Variants in TRPV5 observed in about 807,000 individuals in gnomAD.
TRPV5 encodes calcium transport protein 2.
A neutral mutation model predicts 74.1 loss-of-function variants in TRPV5; 66 were observed. That is an observed-to-expected ratio of 0.89 (90% CI 0.73 to 1.09). The LOEUF is 1.09. TRPV5 is among the 50% of genes least tolerant of loss of function. TRPV5 has a pLI of 0.00. For missense variants in TRPV5, 936 were observed against 930.4 expected, an observed-to-expected ratio of 1.01 and a Z score of -0.08; for synonymous variants, 399 against 360.7, an observed-to-expected ratio of 1.11 and a Z score of -1.20.
At position 142,927,518 on chromosome 7, in the gene TRPV5, C is replaced by T. The variant is rs527603202; in HGVS notation, c.909+570G>A. On this transcript the variant is annotated intron_variant, in intron 7 of 14. Coordinates refer to ENST00000265310, the MANE Select transcript of TRPV5 (RefSeq NM_019841.7). ...GCAGGCTGTACAGGTTCTGGAGAGGCCTGAGGAAACGTACAATCATGGCAA... is the reference window on the plus strand; with the variant it reads ...GCAGGCTGTACAGGTTCTGGAGAGGTCTGAGGAAACGTACAATCATGGCAA... 7.2e-5 allele frequency among the ~76,000 whole-genome samples: 11 copies of T among 152,200 alleles called. No homozygotes were observed. The East Asian group carries it at 2.1e-3, about 29-fold the overall frequency.
rs774047899 is a variant in TRPV5 at position 142,915,027 on chromosome 7, C to T, written c.1306G>A (p.Val436Met). The change falls in exon 11 of 15, where the codon GTG (valine) becomes ATG (methionine). Residue 436 changes from valine to methionine, a missense_variant. Val to Met is a conservative substitution (Grantham distance 21). Transcript: ENST00000265310. ...HVIIITYASL[V>M]LVTMVMRLTN... Reference sequence around the variant, plus strand: ...AGCCGCATCACCATGGTCACCAGCACCAGGGAGGCATAGGTGATGCTGGGG... The same window carrying T: ...AGCCGCATCACCATGGTCACCAGCATCAGGGAGGCATAGGTGATGCTGGGG... 7 of 1,613,990 alleles carry T rather than the reference C, an allele frequency of 4.3e-6. No homozygotes were observed. The highest frequency in any genetic ancestry group is 2.2e-5 in the East Asian group (1 of 44,874).
intron 10 of TRPV5, 110 bp downstream of exon 10, chr7:142,915,197 G>A (rs1344834313): frequency 3.0e-5 from 46 of 1,519,524 alleles, no homozygotes; most frequent in Non-Finnish European, 4.0e-5. Flanking sequence ...CCACTGGAGA[G>A]AAGTCCTTGG....
At chr7:142,931,430 A>C (rs1292139864) in intron 1 of TRPV5, among the ~76,000 whole-genome samples, 2 of 152,174 alleles carry the variant, frequency 1.3e-5, no homozygotes, top group Non-Finnish European at 2.9e-5. Context: ...CAGCTTGTTT[A>C]TGTGGGTGTC....
intron 8 of TRPV5, among the ~76,000 whole-genome samples, chr7:142,924,241 T>C (rs6952972): frequency 1.6e-4 from 22 of 137,742 alleles, no homozygotes; most frequent in African/African-American, 6.0e-4. Context: ...TATATATATA[T>C]ATACATATAC....
At chr7:142,917,726 A>G (rs1472894042) in intron 8 of TRPV5, among the ~76,000 whole-genome samples, 3 of 152,188 alleles carry the variant, frequency 2.0e-5, no homozygotes, top group Non-Finnish European at 4.4e-5. Flanking sequence ...ACTGACCTAG[A>G]GTAGCTGCCT....
chr7:142,931,329 A>C (rs528331521), intron 1 of TRPV5, among the ~76,000 whole-genome samples: 1 of 152,066 alleles, frequency 6.6e-6, no homozygotes, highest in South Asian at 2.1e-4. Flanking sequence ...GGTTATTTAG[A>C]TACAGGTCCC....
intron 1 of TRPV5, among the ~76,000 whole-genome samples, chr7:142,931,869 T>TA (rs1796102512): frequency 6.6e-6 from 1 of 151,984 alleles, no homozygotes; most frequent in African/African-American, 2.4e-5. Context: ...GCCTGACTAG[T>TA]TTTTTTATTT....
Position 142,933,152 on chromosome 7 carries a change from C to T in TRPV5, c.128+180G>A, listed in dbSNP as rs4252377. ...TGTGGCCCAAAGCCACATCCTCCAC[C>T]GCCACTAAAAGGGGCCAGCTGGGAT... On this transcript the variant is annotated intron_variant, in intron 1 of 14. Coordinates refer to ENST00000265310, the MANE Select transcript of TRPV5 (RefSeq NM_019841.7). Among the ~76,000 whole-genome samples the T allele has an allele frequency of 7.1e-3, 1,076 of 152,274 alleles. 14 individuals are homozygous for T. Among genetic ancestry groups the T allele is most frequent in the African/African-American group, 0.025 (1,027 of 41,544 alleles).
At chr7:142,914,470 A>T (rs1795756890) in intron 12 of TRPV5, among the ~76,000 whole-genome samples, 170 bp downstream of exon 12, 1 of 152,186 alleles carries the variant, frequency 6.6e-6, no homozygotes, top group South Asian at 2.1e-4. Flanking sequence ...GGTCCTATAA[A>T]TATGGGTGTG....
In TRPV5 at chr7:142,908,197, G is replaced by A. The variant is rs1487800005; in HGVS notation, c.*317C>T. ...GCCTCACAGCTTACTACTTTCTAGGGGCTGCGTGGGGCAGAAGAGAAATGG... is the reference window on the plus strand; with the variant it reads ...GCCTCACAGCTTACTACTTTCTAGGAGCTGCGTGGGGCAGAAGAGAAATGG... On this transcript the variant is annotated 3_prime_UTR_variant, in exon 15 of 15. Transcript: ENST00000265310. 2 of 406,182 alleles carry A rather than the reference G, an allele frequency of 4.9e-6. No individual in the cohort carries two copies. The highest frequency in any genetic ancestry group is 4.4e-6 in the Non-Finnish European group (1 of 224,780). 25.2% of individuals were successfully genotyped at this position (406,182 alleles called of 1,614,324 possible).
rs1796067793 is a variant in TRPV5, at chr7:142,930,382, G to A, written c.193C>T (p.Leu65=). The part of the protein sequence containing the change: ...ENDLSVLRQL[L]LDCTCDVRQR... ...CGAACGTCACAGGTGCAGTCCAGTA[G>A]AAGTTGCCTAAGAACAGACAGGTCA... Residue 65 remains leucine (L), a synonymous_variant, in exon 2 of 15, where the codon CTA becomes TTA. Transcript: ENST00000265310. 6.2e-7 allele frequency: 1 copy of A among 1,614,194 alleles called. No individual in the cohort carries two copies. The highest frequency in any genetic ancestry group is 8.5e-7 in the Non-Finnish European group (1 of 1,180,030).
intron 13 of TRPV5, 65 bp downstream of exon 13, chr7:142,912,417 A>C: frequency 6.4e-7 from 1 of 1,560,588 alleles, no homozygotes. Context: ...CCACCATAAC[A>C]TTTTCCACTT....
chr7:142,926,503 G>A (rs1432560026), intron 7 of TRPV5, among the ~76,000 whole-genome samples: 1 of 152,142 alleles, frequency 6.6e-6, no homozygotes, highest in Non-Finnish European at 1.5e-5. Flanking sequence ...GAGGGGAGGA[G>A]AGAGACAGTG....
At chr7:142,930,258 C>A in intron 2 of TRPV5, 78 bp from the exon 3 acceptor site, 1 of 1,610,270 alleles carries the variant, frequency 6.2e-7, no homozygotes. Context: ...CAGAGACACC[C>A]TCCAAGGCCC....
intron 8 of TRPV5, among the ~76,000 whole-genome samples, chr7:142,924,117 A>C (rs751078683): frequency 9.1e-4 from 138 of 151,728 alleles, no homozygotes; most frequent in Admixed American, 1.6e-3. Context: ...AGATGCATGC[A>C]GCACAACTGC....
At position 142,908,536 on chromosome 7, in the gene TRPV5, C is replaced by T. The variant is rs144973562; in HGVS notation, c.2168G>A (p.Gly723Glu). The change falls in exon 15 of 15, where the codon GGA becomes GAA. Residue 723 changes from glycine (G) to glutamate (E), a missense_variant. Physicochemically the swap from Gly to Glu is moderately conservative, Grantham distance 98. Transcript: ENST00000265310. ...NLGLNLSEGD[G>E]EEVYHF The stretch of plus-strand genomic sequence containing the variant: ...TAATCAAAAATGGTAGACCTCCTCT[C>T]CATCCCCCTCACTAAGGTTCAGTCC... 4 of 1,614,076 alleles carry T rather than the reference C, an allele frequency of 2.5e-6. No homozygotes were observed. Among genetic ancestry groups the T allele is most frequent in the Non-Finnish European group, 3.4e-6 (4 of 1,180,014 alleles).
chr7:142,923,306 CAGT>C (rs1451890909), intron 8 of TRPV5, among the ~76,000 whole-genome samples: 1 of 151,864 alleles, frequency 6.6e-6, no homozygotes, highest in Non-Finnish European at 1.5e-5. Flanking sequence ...AGTAAGAAAA[CAGT>C]AGGAAAAAAA....
At position 142,910,186 on chromosome 7, in the gene TRPV5, A is replaced by G. The variant is rs945431637; in HGVS notation, c.1789-590T>C. On this transcript the variant is annotated intron_variant, in intron 13 of 14. Coordinates refer to ENST00000265310, the MANE Select transcript of TRPV5 (RefSeq NM_019841.7). ...GACACAAAACTGGGAGGGATATGTA[A>G]TATGTGGGGCAACAGAAGCAATATA... Among the ~76,000 whole-genome samples the G allele has an allele frequency of 3.9e-5, 6 of 152,214 alleles. No homozygotes were observed. The East Asian group carries it at 1.2e-3, about 29-fold the overall frequency.
Position 142,930,446 on chromosome 7 carries a change from C to T in TRPV5, c.129G>A (p.Arg43=). 6.2e-7 allele frequency: 1 copy of T among 1,613,154 alleles called. No individual in the cohort carries two copies. Residue 43 remains arginine, a splice_region_variant and synonymous_variant, in exon 2 of 15, where the codon AGG becomes AGA. Transcript: ENST00000265310. ...LDKLHMLQQK[R]ILESPLLRAS... ...CTCGAAGCAGTGGAGACTCTAGAATCCTGGGGAAAGGTGAACGTGAGTTTG... is the reference window on the plus strand; with the variant it reads ...CTCGAAGCAGTGGAGACTCTAGAATTCTGGGGAAAGGTGAACGTGAGTTTG...
Sources: gnomAD v4.1 joint callset for allele counts (sites outside exome capture counted in the v4.1 genomes callset) on GRCh38, gnomAD v4.1.1 for gene constraint, MANE v1.5 for transcripts, NCBI Gene and HGNC (gene_info 2026-07-23, HGNC 2026-07-21) for gene names.